The following MCMDC2 variants were observed in gnomAD, a reference collection of about 807,000 sequenced individuals.
The protein encoded by MCMDC2 is minichromosome maintenance domain-containing protein 2.
Under a neutral mutation model 75.8 loss-of-function variants are expected in MCMDC2, and 54 were observed. The observed-to-expected ratio is 0.71, with a 90% CI of 0.57 to 0.89. The LOEUF is 0.89. MCMDC2 is among the 40% of genes least tolerant of loss of function. MCMDC2 has a pLI of 0.00. For synonymous variants in MCMDC2, 249 were observed against 274.6 expected (o/e 0.91, Z 0.92); for missense variants, 656 against 780.4 (o/e 0.84, Z 1.90).
chr8:66,905,705 CA>C (rs1366148593), intron 14 of MCMDC2, among the ~76,000 whole-genome samples: 2 of 152,012 alleles, frequency 1.3e-5, no homozygotes, highest in Admixed American at 6.6e-5. Flanking sequence ...GGCAACATAG[CA>C]AAAGAAAATC....
chr8:66,879,588 G>A (rs1219650106), intron 7 of MCMDC2, among the ~76,000 whole-genome samples: 1 of 152,022 alleles, frequency 6.6e-6, no homozygotes, highest in Non-Finnish European at 1.5e-5. Flanking sequence ...ATGGGACTCT[G>A]TCTCAAAAAA....
chr8:66,897,658 A>C (rs1304737755), intron 12 of MCMDC2, among the ~76,000 whole-genome samples: 2 of 152,220 alleles, frequency 1.3e-5, no homozygotes, highest in African/African-American at 4.8e-5. Flanking sequence ...GATTGTCCTT[A>C]GATGAATACC....
intron 12 of MCMDC2, 103 bp from the exon 13 acceptor site, chr8:66,901,103 A>C (rs1488114482): frequency 2.4e-6 from 2 of 818,270 alleles, no homozygotes; most frequent in Admixed American, 2.6e-5. Context: ...TTATGTAATA[A>C]AATATGCAAA....
Position 66,878,895 on chromosome 8 carries a change from C to T in MCMDC2, c.685C>T (p.Gln229Ter), listed in dbSNP as rs1411116425. ...GYSNNQPFRF[Q>*]SLTIFLRDES... ...TTCTAACAACCAGCCATTTAGGTTT[C>T]AATCACTTACAATTTTCCTAAGAGG... Residue 229 changes from glutamine to a stop codon, truncating the protein, a stop_gained, in exon 7 of 15, where the codon CAA becomes TAA. Coordinates refer to ENST00000422365, the MANE Select transcript of MCMDC2 (RefSeq NM_173518.5). LOFTEE classifies it high-confidence loss of function. 15 of 1,605,834 alleles carry T rather than the reference C, an allele frequency of 9.3e-6. No homozygotes were observed. The highest frequency in any genetic ancestry group is 1.1e-5 in the Non-Finnish European group (13 of 1,175,474).
intron 14 of MCMDC2, among the ~76,000 whole-genome samples, chr8:66,911,328 C>T (rs942036149): frequency 2.6e-5 from 4 of 152,154 alleles, no homozygotes; most frequent in African/African-American, 9.7e-5. Context: ...CTTCTCCTTC[C>T]TGCTGCCCTG....
chr8:66,906,560 C>T (rs190209216), intron 14 of MCMDC2, among the ~76,000 whole-genome samples: 30 of 151,706 alleles, frequency 2.0e-4, no homozygotes, highest in African/African-American at 6.0e-4. Context: ...CATTTTTTTC[C>T]GAGGAACATA....
chr8:66,882,526 C>T (rs1025992845), intron 8 of MCMDC2, among the ~76,000 whole-genome samples: 3 of 152,056 alleles, frequency 2.0e-5, no homozygotes, highest in Admixed American at 1.3e-4. Context: ...CCACCACGCC[C>T]AGCTAATTTT....
chr8:66,875,963 A>C (rs923325519), intron 4 of MCMDC2, among the ~76,000 whole-genome samples: 9 of 152,234 alleles, frequency 5.9e-5, no homozygotes, highest in African/African-American at 2.2e-4. Context: ...TTCAGATTCA[A>C]ATCACTTGAC....
At chr8:66,903,118 CT>C (rs1191372520) in intron 13 of MCMDC2, among the ~76,000 whole-genome samples, 37 of 141,158 alleles carry the variant, frequency 2.6e-4, no homozygotes, top group African/African-American at 9.5e-4. Flanking sequence ...GTGAAACTGT[CT>C]CAAAAAAAAA....
At chr8:66,925,744 G>A (rs1457035392), downstream of MCMDC2, 5 of 152,448 alleles carry the variant, frequency 3.3e-5, no homozygotes, top group African/African-American at 9.6e-5. Context: ...GCAAGTTTAT[G>A]TGGGGGCTTT....
downstream of MCMDC2, chr8:66,922,754 C>T: frequency 3.7e-6 from 1 of 267,728 alleles, no homozygotes; most frequent in South Asian, 3.5e-5. Context: ...ATTTCGAATT[C>T]CCATTTTTAT....
At chr8:66,892,684 C>A (rs531770637) in intron 10 of MCMDC2, among the ~76,000 whole-genome samples, 1 of 152,288 alleles carries the variant, frequency 6.6e-6, no homozygotes, top group Admixed American at 6.5e-5. Flanking sequence ...AGGAAGTTCT[C>A]ACTCCAGGTG....
chr8:66,874,699 A>C, intron 4 of MCMDC2, 113 bp downstream of exon 4: 1 of 915,672 alleles, frequency 1.1e-6, no homozygotes, highest in Non-Finnish European at 1.6e-6. Flanking sequence ...CTTTTTTTCA[A>C]AATTCAATAG....
chr8:66,914,283 CAAAA>C (rs67943900), intron 14 of MCMDC2, among the ~76,000 whole-genome samples: 13 of 85,710 alleles, frequency 1.5e-4, no homozygotes, highest in African/African-American at 4.6e-4. Context: ...ACCCTGTATC[CAAAA>C]AAAAAAAAAA....
In MCMDC2 at chr8:66,896,820, GT is replaced by G. The variant is rs1402227316; in HGVS notation, c.1490del (p.Leu497TyrfsTer2). ...LIPANLVEAF[G>X]LLINCNESSP... ...CCAGCTAACCTTGTGGAGGCATTTG[GT>G]TTATTGATTAACTGCAACGAGTCAT... On this transcript the variant is annotated frameshift_variant, in exon 12 of 15. Transcript: ENST00000422365. LOFTEE classifies it high-confidence loss of function. 2 of 1,612,940 alleles carry G rather than the reference GT, an allele frequency of 1.2e-6. No individual in the cohort carries two copies. The highest frequency in any genetic ancestry group is 2.2e-5 in the East Asian group (1 of 44,790).
In MCMDC2 at chr8:66,914,075, C is replaced by T. The variant is rs558410560; in HGVS notation, c.1880-4928C>T. 8.6e-5 allele frequency among the ~76,000 whole-genome samples: 13 copies of T among 150,988 alleles called. No homozygotes were observed. The South Asian group carries it at 1.7e-3, about 19-fold the overall frequency. On this transcript the variant is annotated intron_variant, in intron 14 of 14. Coordinates refer to ENST00000422365, the MANE Select transcript of MCMDC2 (RefSeq NM_173518.5). ...GGAGAATCACTTGAGCCCAGGAGTT[C>T]GAGACCAGCTTGGGCAACATGGTGA...
intron 1 of MCMDC2, among the ~76,000 whole-genome samples, chr8:66,873,659 T>C (rs1203701430): frequency 6.6e-6 from 1 of 152,052 alleles, no homozygotes; most frequent in African/African-American, 2.4e-5. Flanking sequence ...AGGCTGAAGC[T>C]GGCGGATCAC....
At chr8:66,924,011 T>TA (rs1292088898), downstream of MCMDC2, among the ~76,000 whole-genome samples, 1 of 152,080 alleles carries the variant, frequency 6.6e-6, no homozygotes, top group East Asian at 1.9e-4. Context: ...CAGGGAAATG[T>TA]AAACAATAGA....
chr8:66,874,380 ATGT>A lies in MCMDC2; in HGVS notation c.155_157del (p.Val52del). ...TTCAAAATTTTAATAAATCCCTCTG[ATGT>A]TGTTGAATTAGATGCTGAGCTTGGA... is the stretch of plus-strand genomic sequence containing the variant. On this transcript the variant is annotated inframe_deletion, in exon 3 of 15. Coordinates refer to ENST00000422365, the MANE Select transcript of MCMDC2 (RefSeq NM_173518.5). 9 of 1,613,758 alleles carry A rather than the reference ATGT, an allele frequency of 5.6e-6. No individual in the cohort carries two copies. Among genetic ancestry groups the A allele is most frequent in the South Asian group, 5.5e-5 (5 of 90,998 alleles).
Sources: gnomAD v4.1 joint callset for allele counts (sites outside exome capture counted in the v4.1 genomes callset) on GRCh38, gnomAD v4.1.1 for gene constraint, MANE v1.5 for transcripts, NCBI Gene and HGNC (gene_info 2026-07-23, HGNC 2026-07-21) for gene names.